PGCKA1: variants seen among roughly 807,000 people sequenced by gnomAD.
PGCKA1 encodes PDCD10 and GCKIII kinases associated 1, also known as PDCD10 and GCKIII kinases-associated protein 1.
the PGCKA1 span, among the ~76,000 whole-genome samples, chr4:37,559,649 C>G: frequency 2.0e-5 from 3 of 152,108 alleles, no homozygotes; most frequent in Non-Finnish European, 2.9e-5. Flanking sequence ...CCCAGACCCA[C>G]TAAATCAGAG....
At chr4:37,469,769 A>G in the PGCKA1 span, among the ~76,000 whole-genome samples, 1 of 152,220 alleles carries the variant, frequency 6.6e-6, no homozygotes, top group East Asian at 1.9e-4. Context: ...TGAATTTTCT[A>G]GTGAAATGCA....
chr4:37,495,037 GA>G, the PGCKA1 span, among the ~76,000 whole-genome samples: 331 of 143,402 alleles, frequency 2.3e-3, 1 homozygote, highest in Middle Eastern at 3.5e-3. Flanking sequence ...AAATTTACAA[GA>G]AAAAAAAAAC....
chr4:37,571,738 CGT>C, the PGCKA1 span, among the ~76,000 whole-genome samples: 1 of 151,822 alleles, frequency 6.6e-6, no homozygotes, highest in Admixed American at 6.6e-5. Flanking sequence ...GGGGTTTCAC[CGT>C]GTTAGCCAGG....
At chr4:37,495,118 CAT>C in the PGCKA1 span, among the ~76,000 whole-genome samples, 6 of 151,558 alleles carry the variant, frequency 4.0e-5, no homozygotes, top group African/African-American at 1.5e-4. Context: ...GGCCAACAAA[CAT>C]ATGAAAAAAA....
the PGCKA1 span, among the ~76,000 whole-genome samples, chr4:37,543,846 G>A: frequency 4.1e-3 from 550 of 135,554 alleles, 1 homozygote; most frequent in African/African-American, 0.014. Context: ...AAAAAAAAAA[G>A]AAGGCTGCTA....
chr4:37,549,206 G>T, the PGCKA1 span, among the ~76,000 whole-genome samples: 1 of 152,238 alleles, frequency 6.6e-6, no homozygotes, highest in East Asian at 1.9e-4. Flanking sequence ...CAATTAGTCA[G>T]CCCTTGTTCA....
the PGCKA1 span, among the ~76,000 whole-genome samples, chr4:37,480,963 G>C: frequency 6.6e-6 from 1 of 152,216 alleles, no homozygotes; most frequent in Non-Finnish European, 1.5e-5. Context: ...ATGACACCGG[G>C]TCATATAAAT....
chr4:37,547,901 G>A, the PGCKA1 span, among the ~76,000 whole-genome samples: 57 of 150,092 alleles, frequency 3.8e-4, 2 homozygotes, highest in South Asian at 9.4e-3. Flanking sequence ...ATTTAACAGC[G>A]TAACATGTAT....
At chr4:37,515,981 CT>C in the PGCKA1 span, among the ~76,000 whole-genome samples, 238 of 151,954 alleles carry the variant, frequency 1.6e-3, no homozygotes, top group Non-Finnish European at 1.7e-3. Flanking sequence ...TACCTCTATA[CT>C]TTTTTTTATA....
chr4:37,457,000 G>A, the PGCKA1 span, among the ~76,000 whole-genome samples: 2 of 152,182 alleles, frequency 1.3e-5, no homozygotes, highest in African/African-American at 4.8e-5. Flanking sequence ...TTTTCTCTAG[G>A]TAGATAAATG....
At chr4:37,567,758 A>C in the PGCKA1 span, among the ~76,000 whole-genome samples, 1 of 152,180 alleles carries the variant, frequency 6.6e-6, no homozygotes, top group South Asian at 2.1e-4. Context: ...TGCCTGGTGC[A>C]TACCAAGACC....
chr4:37,516,872 T>C, the PGCKA1 span, among the ~76,000 whole-genome samples: 1 of 152,186 alleles, frequency 6.6e-6, no homozygotes, highest in East Asian at 1.9e-4. Flanking sequence ...AAACATATGT[T>C]TGCATGTGAG....
At chr4:37,558,418 G>T in the PGCKA1 span, among the ~76,000 whole-genome samples, 306 of 152,176 alleles carry the variant, frequency 2.0e-3, no homozygotes, top group African/African-American at 7.0e-3. Context: ...TCAGAACAGT[G>T]GCTCTCAGCG....
the PGCKA1 span, among the ~76,000 whole-genome samples, chr4:37,530,231 A>G: frequency 3.3e-5 from 5 of 152,178 alleles, no homozygotes; most frequent in African/African-American, 1.2e-4. Flanking sequence ...TTTCTATTAT[A>G]AATTTATCTT....
At chr4:37,499,955 C>T in the PGCKA1 span, among the ~76,000 whole-genome samples, 1 of 127,206 alleles carries the variant, frequency 7.9e-6, no homozygotes, top group East Asian at 2.5e-4. Context: ...TGGAGTCTCT[C>T]TCTGTCACCC....
the PGCKA1 span, among the ~76,000 whole-genome samples, chr4:37,475,773 T>G: frequency 1.3e-5 from 2 of 151,974 alleles, no homozygotes; most frequent in East Asian, 3.9e-4. Context: ...TAGAAAGGGG[T>G]TCTAGTGAGC....
At chr4:37,574,925 G>T in the PGCKA1 span, among the ~76,000 whole-genome samples, 1 of 151,446 alleles carries the variant, frequency 6.6e-6, no homozygotes, top group Non-Finnish European at 1.5e-5. Flanking sequence ...TATCCATGTT[G>T]TTGCAAAGTA....
At chr4:37,481,643 T>A in the PGCKA1 span, among the ~76,000 whole-genome samples, 2 of 152,166 alleles carry the variant, frequency 1.3e-5, no homozygotes, top group Non-Finnish European at 2.9e-5. Flanking sequence ...CTCCTCTTTT[T>A]ATAAAGACAT....
chr4:37,543,617 G>A, the PGCKA1 span, among the ~76,000 whole-genome samples: 3 of 151,888 alleles, frequency 2.0e-5, no homozygotes, highest in South Asian at 2.1e-4. Context: ...CGAGGCAGGC[G>A]GATCACGAGG....
Sources: gnomAD v4.1 joint callset for allele counts (sites outside exome capture counted in the v4.1 genomes callset) on GRCh38, gnomAD v4.1.1 for gene constraint, MANE v1.5 for transcripts, NCBI Gene and HGNC (gene_info 2026-07-23, HGNC 2026-07-21) for gene names.